Variants in FBXL5 observed in about 807,000 individuals in gnomAD.
FBXL5 encodes F-box and leucine rich repeat protein 5.
A neutral mutation model predicts 78.3 loss-of-function variants in FBXL5; 26 were observed. That is an observed-to-expected ratio of 0.33 (90% CI 0.24 to 0.46). The LOEUF (loss-of-function observed/expected upper bound fraction) is 0.46, where lower values mean the gene tolerates loss of function less well. Among genes scored for constraint, FBXL5 ranks in the 20% least tolerant of loss-of-function variants. The probability of loss-of-function intolerance (pLI) is 1.00; values close to 1 mark genes in which losing one functional copy is unlikely to be tolerated. For missense variants in FBXL5, 710 were observed against 829.2 expected (o/e 0.86, Z 1.77); for synonymous variants, 295 against 282.5 (o/e 1.04, Z -0.45).
Position 15,605,738 on chromosome 4 carries a change from G to A in FBXL5, c.2061C>T (p.Cys687=). ...QNLQCGFRAC[C]RSGE ...AAGTCAAGGGTCATTCGCCAGAGCG[G>A]CAGCAGGCTCGAAAACCACACTGCA... The change falls in exon 11 of 11, where the codon TGC becomes TGT. Residue 687 remains cysteine, a synonymous_variant. Coordinates refer to ENST00000341285, the MANE Select transcript of FBXL5 (RefSeq NM_012161.4). 1 of 1,613,526 alleles carries A rather than the reference G, an allele frequency of 6.2e-7. No individual in the cohort carries two copies. The highest frequency in any genetic ancestry group is 8.5e-7 in the Non-Finnish European group (1 of 1,179,670).
At chr4:15,630,994 G>A (rs1713585357) in intron 5 of FBXL5, among the ~76,000 whole-genome samples, 1 of 152,062 alleles carries the variant, frequency 6.6e-6, no homozygotes, top group African/African-American at 2.4e-5. Flanking sequence ...GTATATATGT[G>A]CCATGTTGGT....
chr4:15,630,887 G>A (rs540219992), intron 5 of FBXL5, 96 bp from the exon 6 acceptor site: 101 of 1,483,450 alleles, frequency 6.8e-5, no homozygotes, highest in South Asian at 1.4e-4. Context: ...TCTCTACAAA[G>A]AGAAAACATC....
chr4:15,623,854 G>A (rs113978685), intron 9 of FBXL5, among the ~76,000 whole-genome samples: 5 of 149,792 alleles, frequency 3.3e-5, no homozygotes, highest in East Asian at 2.0e-4. Flanking sequence ...ACGGAATTTC[G>A]CTCTGTCGCC....
chr4:15,675,404 CATT>C (rs1222563770), intron 1 of FBXL5, among the ~76,000 whole-genome samples: 3 of 152,014 alleles, frequency 2.0e-5, no homozygotes, highest in Admixed American at 6.6e-5. Context: ...GATTTTCTTG[CATT>C]GTTCCTATCC....
intron 10 of FBXL5, among the ~76,000 whole-genome samples, chr4:15,609,258 G>A (rs1396588391): frequency 6.6e-6 from 1 of 151,934 alleles, no homozygotes; most frequent in Non-Finnish European, 1.5e-5. Flanking sequence ...GAATAATAAA[G>A]AAAATAGAAA....
rs776330548 is a variant in FBXL5 at position 15,625,889 on chromosome 4, A to C, written c.1213T>G (p.Ser405Ala). Residue 405 changes from serine (S) to alanine (A), a missense_variant, in exon 9 of 11, where the codon TCC becomes GCC. Around this residue, in one of 4 missense-constraint regions of FBXL5, gnomAD observed 517 missense variants for 542.9 expected, o/e 0.95. Transcript: ENST00000341285. ...KITDVALEKI[S>A]RALGILTSHQ... ...GATGTCAGAATTCCAAGAGCTCTGGAAATCTTCTCTAGGGCCACATCTGTG... is the reference window on the plus strand; with the variant it reads ...GATGTCAGAATTCCAAGAGCTCTGGCAATCTTCTCTAGGGCCACATCTGTG... 1.2e-5 allele frequency: 19 copies of C among 1,613,992 alleles called. No individual in the cohort carries two copies. The highest frequency in any genetic ancestry group is 1.5e-5 in the Non-Finnish European group (18 of 1,180,022).
chr4:15,614,995 C>T (rs1386879310), intron 9 of FBXL5, among the ~76,000 whole-genome samples: 1 of 152,108 alleles, frequency 6.6e-6, no homozygotes, highest in Admixed American at 6.5e-5. Context: ...GCTTGGCGGG[C>T]CCCGCACTCA....
chr4:15,622,745 T>C (rs1712612143), intron 9 of FBXL5, among the ~76,000 whole-genome samples: 1 of 152,184 alleles, frequency 6.6e-6, no homozygotes, highest in Admixed American at 6.5e-5. Flanking sequence ...GAAAGAATCC[T>C]TCAAGATAAG....
upstream of FBXL5, chr4:15,655,399 C>A (rs1026374653): frequency 2.0e-6 from 2 of 1,025,024 alleles, no homozygotes; most frequent in Admixed American, 5.9e-5. Context: ...GCCCCGTCGG[C>A]GCGCGCGCCC....
chr4:15,632,713 T>C (rs532111330), intron 5 of FBXL5, among the ~76,000 whole-genome samples: 2 of 152,274 alleles, frequency 1.3e-5, no homozygotes, highest in Admixed American at 6.5e-5. Context: ...GGCTCTCTGT[T>C]ATTGGTGTAT....
chr4:15,632,632 CCCTTTAAGTTGTATT>C (rs1490494748), intron 5 of FBXL5, among the ~76,000 whole-genome samples: 2 of 152,162 alleles, frequency 1.3e-5, no homozygotes, highest in Non-Finnish European at 2.9e-5. Context: ...TCCTTCACAT[CCCTTTAAGTTGTATT>C]CCTAGGTATT....
At position 15,612,385 on chromosome 4, in the gene FBXL5, T is replaced by A; in HGVS notation, c.1880A>T (p.Tyr627Phe). The A allele has an allele frequency of 6.2e-7, 1 of 1,611,526 alleles. No homozygotes were observed. Among genetic ancestry groups the A allele is most frequent in the Non-Finnish European group, 8.5e-7 (1 of 1,178,990 alleles). ...RVLTLGGGLPYLEHLNLSGCL... is the reference protein window; with the variant it reads ...RVLTLGGGLPFLEHLNLSGCL... ...ACCAGAGAGATTAAGGTGCTCCAAA[T>A]AAGGCAGCCCTCCTCCCAGAGTCAA... The change falls in exon 10 of 11, where the codon TAT becomes TTT. Residue 627 changes from tyrosine (Y) to phenylalanine (F), a missense_variant. Coordinates refer to ENST00000341285, the MANE Select transcript of FBXL5 (RefSeq NM_012161.4).
intron 5 of FBXL5, among the ~76,000 whole-genome samples, chr4:15,631,658 C>CAGTGA: frequency 6.6e-6 from 1 of 152,348 alleles, no homozygotes; most frequent in East Asian, 1.9e-4. Flanking sequence ...TTGCATTTCT[C>CAGTGA]TGATGACCAG....
intron 1 of FBXL5, among the ~76,000 whole-genome samples, chr4:15,669,237 C>T (rs1455420863): frequency 6.6e-6 from 1 of 152,172 alleles, no homozygotes; most frequent in Admixed American, 6.5e-5. Flanking sequence ...ATATATACAG[C>T]CTCTTGCTCC....
Position 15,612,345 on chromosome 4 carries a change from A to C in FBXL5, c.1920T>G (p.Thr640=). 1.9e-6 allele frequency: 3 copies of C among 1,613,028 alleles called. No individual in the cohort carries two copies. Among genetic ancestry groups the C allele is most frequent in the East Asian group, 2.2e-5 (1 of 44,830 alleles). The change falls in exon 10 of 11, where the codon ACT becomes ACG. Residue 640 remains threonine, a synonymous_variant. Transcript: ENST00000341285. Reference sequence around the variant, plus strand: ...AAACCAAATCCTGCAGGCCTGCACCAGTTATAGTAAGACAACCAGAGAGAT... The same window carrying C: ...AAACCAAATCCTGCAGGCCTGCACCCGTTATAGTAAGACAACCAGAGAGAT... The part of the protein sequence containing the change: ...HLNLSGCLTI[T]GAGLQDLVSA...
At chr4:15,628,827 A>C (rs948496134) in intron 6 of FBXL5, among the ~76,000 whole-genome samples, 1 of 151,824 alleles carries the variant, frequency 6.6e-6, no homozygotes, top group Admixed American at 6.6e-5. Flanking sequence ...TAAGGAGATA[A>C]AAATTACTTT....
At chr4:15,623,096 T>G (rs1230940246) in intron 9 of FBXL5, among the ~76,000 whole-genome samples, 1 of 152,136 alleles carries the variant, frequency 6.6e-6, no homozygotes, top group Non-Finnish European at 1.5e-5. Context: ...CTTAAGAAAT[T>G]AACTCTCTGC....
intron 1 of FBXL5, among the ~76,000 whole-genome samples, chr4:15,650,821 TG>T (rs1476950906): frequency 6.6e-6 from 1 of 151,886 alleles, no homozygotes; most frequent in East Asian, 1.9e-4. Flanking sequence ...TTAGTAGAGA[TG>T]AGGTTTCACC....
chr4:15,621,216 T>C (rs967468687), intron 9 of FBXL5, among the ~76,000 whole-genome samples: 1 of 151,980 alleles, frequency 6.6e-6, no homozygotes, highest in African/African-American at 2.4e-5. Flanking sequence ...AAAACCCTAA[T>C]GAATTCACAA....
Sources: allele counts gnomAD v4.1 joint callset (sites outside exome capture counted in the v4.1 genomes callset), GRCh38; gene constraint gnomAD v4.1.1; regional missense constraint gnomAD v4.1.1; transcripts MANE v1.5; gene names NCBI Gene and HGNC (gene_info 2026-07-23, HGNC 2026-07-21).